Variants in SHANK2 observed in about 807,000 individuals in gnomAD.
The protein encoded by SHANK2 is SH3 and multiple ankyrin repeat domains 2.
In SHANK2, 43 loss-of-function variants were observed where a neutral mutation model predicts 133.7. The ratio of observed to expected loss-of-function variants is 0.32; its 90% CI spans 0.25 to 0.41. The LOEUF (loss-of-function observed/expected upper bound fraction) is 0.41. Ranked by LOEUF, SHANK2 falls within the 10% of genes least tolerant of loss-of-function variation. SHANK2 has a pLI of 1.00. For missense variants in SHANK2, 1,994 were observed against 2,235.8 expected (o/e 0.89, Z 2.18); for synonymous variants, 1,017 against 952.8 (o/e 1.07, Z -1.24).
At chr11:70,899,244 G>A (rs1010608067) in intron 10 of SHANK2, among the ~76,000 whole-genome samples, 4 of 152,096 alleles carry the variant, frequency 2.6e-5, no homozygotes, top group South Asian at 4.2e-4. Context: ...TGGTTTCCCC[G>A]TGCTGTTCTC....
intron 17 of SHANK2, among the ~76,000 whole-genome samples, chr11:70,554,308 T>C (rs543941763): frequency 1.2e-4 from 18 of 152,308 alleles, no homozygotes; most frequent in African/African-American, 3.6e-4. Flanking sequence ...CAAAAGTCAA[T>C]GCGTGCTCAG....
At chr11:70,580,048 C>T (rs934626880) in intron 17 of SHANK2, among the ~76,000 whole-genome samples, 5 of 152,172 alleles carry the variant, frequency 3.3e-5, no homozygotes, top group South Asian at 4.1e-4. Context: ...GCTTTCACAA[C>T]GCTAAGATAA....
chr11:70,841,514 C>A (rs1158171952), intron 11 of SHANK2, among the ~76,000 whole-genome samples: 1 of 152,346 alleles, frequency 6.6e-6, no homozygotes, highest in East Asian at 1.9e-4. Context: ...GTGGAGTCTG[C>A]CTTTGGCCCC....
intron 17 of SHANK2, among the ~76,000 whole-genome samples, chr11:70,511,498 C>G (rs560502077): frequency 6.6e-6 from 1 of 152,150 alleles, no homozygotes; most frequent in Non-Finnish European, 1.5e-5. Flanking sequence ...CATGGGGTTT[C>G]GGTGCCCCTC....
intron 15 of SHANK2, among the ~76,000 whole-genome samples, chr11:70,678,965 C>T (rs781964328): frequency 2.0e-5 from 3 of 152,206 alleles, no homozygotes; most frequent in Admixed American, 1.3e-4. Context: ...CCTCCAAGCT[C>T]CAACACACTC....
At chr11:70,672,055 CTTTTCT>C (rs1555016182) in intron 15 of SHANK2, among the ~76,000 whole-genome samples, 1 of 133,830 alleles carries the variant, frequency 7.5e-6, no homozygotes, top group Non-Finnish European at 1.6e-5. Context: ...CCATACTTTT[CTTTTCT>C]TTTTCTTTTT....
intron 14 of SHANK2, among the ~76,000 whole-genome samples, chr11:70,792,529 G>A (rs1555048290): frequency 6.6e-6 from 1 of 152,220 alleles, no homozygotes; most frequent in East Asian, 1.9e-4. Context: ...ACTGGGTCCT[G>A]AGCAGCCACT....
At chr11:70,786,432 C>T (rs1039885066) in intron 14 of SHANK2, among the ~76,000 whole-genome samples, 1 of 152,260 alleles carries the variant, frequency 6.6e-6, no homozygotes, top group East Asian at 1.9e-4. Flanking sequence ...CCAGGTATTA[C>T]TATCAGGAAG....
chr11:70,918,832 T>G (rs1485445692), intron 10 of SHANK2, among the ~76,000 whole-genome samples: 1 of 152,038 alleles, frequency 6.6e-6, no homozygotes, highest in Non-Finnish European at 1.5e-5. Context: ...AGTTGACAAA[T>G]AAAAATAGTA....
intron 15 of SHANK2, among the ~76,000 whole-genome samples, chr11:70,681,572 A>T (rs2134387681): frequency 6.6e-6 from 1 of 152,204 alleles, no homozygotes; most frequent in Non-Finnish European, 1.5e-5. Flanking sequence ...GACTGTAACC[A>T]TCCAGGCTCT....
At position 71,193,361 on chromosome 11, in the gene SHANK2, GTA is replaced by G. The variant is rs1953830714; in HGVS notation, c.-13+31334_-13+31335del. On this transcript the variant is annotated intron_variant, in intron 2 of 25. Coordinates refer to ENST00000601538, the MANE Select transcript of SHANK2 (RefSeq NM_012309.5). ...TGTGTGTGTGCATGCACACATACAT[GTA>G]TATGTGTGCACAAACACACCAGAGA... 3.3e-5 allele frequency among the ~76,000 whole-genome samples: 5 copies of G among 152,268 alleles called. No homozygotes were observed. In the East Asian group the frequency reaches 9.7e-4, roughly 29 times the overall value.
At chr11:70,895,177 A>G (rs1443752320) in intron 11 of SHANK2, among the ~76,000 whole-genome samples, 2 of 152,180 alleles carry the variant, frequency 1.3e-5, no homozygotes, top group African/African-American at 4.8e-5. Context: ...GACGCAAGCC[A>G]TGCATCTGGC....
intron 10 of SHANK2, among the ~76,000 whole-genome samples, chr11:70,930,385 C>T (rs1555082280): frequency 1.3e-5 from 2 of 152,200 alleles, no homozygotes; most frequent in African/African-American, 4.8e-5. Flanking sequence ...GACGCAGTTA[C>T]CAGATGGCTT....
chr11:71,179,363 T>C (rs1953508579), intron 2 of SHANK2, among the ~76,000 whole-genome samples: 1 of 152,200 alleles, frequency 6.6e-6, no homozygotes. Context: ...AAAAACCCTA[T>C]GAGTAGCTCA....
intron 8 of SHANK2, among the ~76,000 whole-genome samples, chr11:71,090,063 G>A (rs1364080258): frequency 1.3e-5 from 2 of 150,788 alleles, no homozygotes; most frequent in African/African-American, 4.9e-5. Context: ...GGATATATCA[G>A]TCAGGGTTCT....
intron 11 of SHANK2, among the ~76,000 whole-genome samples, chr11:70,885,283 T>A (rs1949721542): frequency 6.6e-6 from 1 of 151,576 alleles, no homozygotes; most frequent in Non-Finnish European, 1.5e-5. Context: ...GGGGATGGAG[T>A]GGGAAAGGCT....
intron 11 of SHANK2, among the ~76,000 whole-genome samples, chr11:70,855,108 G>C (rs73534019): frequency 0.037 from 5,562 of 152,286 alleles, 291 homozygotes; most frequent in African/African-American, 0.13. Flanking sequence ...CCAGCATATG[G>C]CCCAGTGGCT....
intron 2 of SHANK2, among the ~76,000 whole-genome samples, chr11:71,154,168 C>T (rs375050824): frequency 2.6e-5 from 4 of 152,126 alleles, no homozygotes; most frequent in South Asian, 2.1e-4. Flanking sequence ...AAAATGTGCT[C>T]GGCCTCAAGG....
At chr11:71,085,813 TG>T (rs1951390795) in intron 8 of SHANK2, among the ~76,000 whole-genome samples, 3 of 31,718 alleles carry the variant, frequency 9.5e-5, no homozygotes, top group African/African-American at 1.5e-4. Flanking sequence ...TAATATATTA[TG>T]TTATATTATA....
Sources: gnomAD v4.1 joint callset for allele counts (sites outside exome capture counted in the v4.1 genomes callset) on GRCh38, gnomAD v4.1.1 for gene constraint, MANE v1.5 for transcripts, NCBI Gene and HGNC (gene_info 2026-07-23, HGNC 2026-07-21) for gene names.